MAP2K5: variants seen among roughly 807,000 people sequenced by gnomAD.
MAP2K5 encodes the protein dual specificity mitogen-activated protein kinase kinase 5.
In MAP2K5, 49 loss-of-function variants were observed where a neutral mutation model predicts 83.1. That is an observed-to-expected ratio of 0.59 (90% CI 0.47 to 0.75). The LOEUF (loss-of-function observed/expected upper bound fraction) is 0.75, where lower values mean the gene tolerates loss of function less well. MAP2K5 is among the 30% of genes least tolerant of loss of function. MAP2K5 has a pLI of 0.00. For missense variants in MAP2K5, 457 were observed against 557.5 expected (o/e 0.82, Z 1.82); for synonymous variants, 202 against 191.8 (o/e 1.05, Z -0.44).
chr15:67,774,801 A>G lies in MAP2K5; in HGVS notation c.1242+2049A>G, dbSNP rs149678100. On this transcript the variant is annotated intron_variant, in intron 21 of 21. Coordinates refer to ENST00000178640, the MANE Select transcript of MAP2K5 (RefSeq NM_145160.3). This position sits in a 1 kb window ranked among gnomAD's most constrained non-coding sequence, Gnocchi z 4.9. ...CACAAAAAGAGCAGTTTATCTCCCA[A>G]GCATGGTAACTCCAGCCAGCAGGGT... Among the ~76,000 whole-genome samples the G allele has an allele frequency of 5.8e-4, 88 of 152,322 alleles. No individual in the cohort carries two copies. Among genetic ancestry groups the G allele is most frequent in the Middle Eastern group, 3.4e-3 (1 of 294 alleles).
At chr15:67,692,966 C>A (rs1288815231) in intron 14 of MAP2K5, among the ~76,000 whole-genome samples, 2 of 152,118 alleles carry the variant, frequency 1.3e-5, no homozygotes, top group Non-Finnish European at 2.9e-5. Flanking sequence ...AATTAATTTC[C>A]ATTTTGGACC....
At chr15:67,557,719 A>G (rs1311524531) in intron 2 of MAP2K5, among the ~76,000 whole-genome samples, 1 of 152,196 alleles carries the variant, frequency 6.6e-6, no homozygotes, top group African/African-American at 2.4e-5. Flanking sequence ...AACTGGAGTG[A>G]CACCTGTAGG....
intron 7 of MAP2K5, among the ~76,000 whole-genome samples, chr15:67,599,465 C>T (rs1596625717): frequency 6.6e-6 from 1 of 152,202 alleles, no homozygotes; most frequent in East Asian, 1.9e-4. Context: ...ATTATCACAG[C>T]TCTCTGAAGC....
chr15:67,580,075 C>A (rs183495036), intron 3 of MAP2K5, among the ~76,000 whole-genome samples: 8 of 152,266 alleles, frequency 5.3e-5, no homozygotes, highest in Admixed American at 4.6e-4. Flanking sequence ...AACCACAGTA[C>A]CACCTACTGA....
At chr15:67,735,523 G>A (rs2089320736) in intron 17 of MAP2K5, among the ~76,000 whole-genome samples, 1 of 152,184 alleles carries the variant, frequency 6.6e-6, no homozygotes, top group African/African-American at 2.4e-5. Flanking sequence ...TGAAACAGAT[G>A]TGGTCTCTGC....
At chr15:67,601,533 G>A (rs2085659114) in intron 8 of MAP2K5, among the ~76,000 whole-genome samples, 2 of 152,154 alleles carry the variant, frequency 1.3e-5, no homozygotes, top group South Asian at 4.1e-4. Context: ...GGTTTTCCAT[G>A]TATACACTAA....
chr15:67,580,908 C>A lies in MAP2K5; in HGVS notation c.322+85C>A, dbSNP rs114175666. On this transcript the variant is annotated intron_variant, in intron 4 of 21. Coordinates refer to ENST00000178640, the MANE Select transcript of MAP2K5 (RefSeq NM_145160.3). ...TTATGTTTCCAAAGGTTTAAATGCA[C>A]ATAACATGATGTTTAGCTCTTAATT... The A allele has an allele frequency of 1.5e-3, 1,333 of 890,796 alleles. 14 individuals carry two copies. The African/African-American group carries it at 0.019, about 13-fold the overall frequency. 55.2% of individuals were successfully genotyped at this position (890,796 alleles called of 1,614,324 possible). A position where few individuals can be genotyped will look rare whatever the true frequency, so the allele number is the denominator to read the frequency against.
rs2084977738 is a variant in MAP2K5 at position 67,572,913 on chromosome 15, G to T, written c.253-7841G>T. 6.6e-6 allele frequency among the ~76,000 whole-genome samples: 1 copy of T among 152,098 alleles called. No individual in the cohort carries two copies. The highest frequency in any genetic ancestry group is 2.4e-5 in the African/African-American group (1 of 41,400). ...GGGTTTTCACGTATTGGCCAGGCTG[G>T]TCTCAAACTCCTGACCTTGTGATCT... On this transcript the variant is annotated intron_variant, in intron 3 of 21. Transcript: ENST00000178640. The surrounding 1 kb of genome is among the most constrained non-coding windows in gnomAD (Gnocchi z 4.2).
chr15:67,769,459 T>G lies in MAP2K5; in HGVS notation c.1135-143T>G. ...CTTTACCTAAATGTGTGGAATAAGG[T>G]AAAGACAGTCTTTTTAATTGGGTGA... On this transcript the variant is annotated intron_variant, in intron 19 of 21. Transcript: ENST00000178640. The surrounding 1 kb of genome is among the most constrained non-coding windows in gnomAD (Gnocchi z 5.2). The G allele has an allele frequency of 1.4e-6, 1 of 694,812 alleles. No individual in the cohort carries two copies. Among genetic ancestry groups the G allele is most frequent in the Non-Finnish European group, 2.5e-6 (1 of 401,394 alleles). 43.0% of individuals were successfully genotyped at this position (694,812 alleles called of 1,614,324 possible). A position where few individuals can be genotyped will look rare whatever the true frequency, so the allele number is the denominator to read the frequency against.
chr15:67,639,413 T>C (rs186533878), intron 9 of MAP2K5, among the ~76,000 whole-genome samples: 109 of 152,336 alleles, frequency 7.2e-4, no homozygotes, highest in Admixed American at 2.0e-3. Context: ...TCACAACATT[T>C]TGTAACTCTT....
chr15:67,791,691 C>G (rs914182218), intron 21 of MAP2K5, among the ~76,000 whole-genome samples: 31 of 152,160 alleles, frequency 2.0e-4, no homozygotes, highest in Admixed American at 1.3e-4. Context: ...GTAATGCCAT[C>G]CAGCTGCTTT....
At chr15:67,584,807 C>T (rs886611664) in intron 4 of MAP2K5, among the ~76,000 whole-genome samples, 4 of 151,412 alleles carry the variant, frequency 2.6e-5, no homozygotes, top group African/African-American at 9.7e-5. Flanking sequence ...CGACATTCTC[C>T]TGCCTCAGCC....
chr15:67,686,642 T>TAACAAC (rs1047050849), intron 13 of MAP2K5, among the ~76,000 whole-genome samples: 1 of 124,946 alleles, frequency 8.0e-6, no homozygotes, highest in African/African-American at 2.9e-5. Flanking sequence ...ATAATAATAA[T>TAACAAC]AACATGTTGT....
intron 21 of MAP2K5, among the ~76,000 whole-genome samples, chr15:67,798,975 C>A (rs943187451): frequency 6.6e-6 from 1 of 152,168 alleles, no homozygotes; most frequent in Non-Finnish European, 1.5e-5. Context: ...TCAAGACCAG[C>A]CTGACCAACA....
rs1192815757 is a variant in MAP2K5, at chr15:67,790,704, GA to G, written c.1243-15941del. On this transcript the variant is annotated intron_variant, in intron 21 of 21. Coordinates refer to ENST00000178640, the MANE Select transcript of MAP2K5 (RefSeq NM_145160.3). This position sits in a 1 kb window ranked among gnomAD's most constrained non-coding sequence, Gnocchi z 4.6. The stretch of plus-strand genomic sequence containing the variant: ...TAATTCTCTACTGCAGCTGTCAGGA[GA>G]GCCAGTCACATAAAAACAAACAAAC... Among the ~76,000 whole-genome samples the G allele has an allele frequency of 6.6e-6, 1 of 151,392 alleles. No individual in the cohort carries two copies. Among genetic ancestry groups the G allele is most frequent in the East Asian group, 1.9e-4 (1 of 5,190 alleles).
At chr15:67,642,487 A>T (rs896682597) in intron 9 of MAP2K5, 2 of 1,551,290 alleles carry the variant, frequency 1.3e-6, no homozygotes, top group Non-Finnish European at 1.8e-6. Context: ...ATTTTGATGG[A>T]GGACTTTGAG....
chr15:67,693,396 C>G (rs1020003223), intron 14 of MAP2K5, 122 bp from the exon 15 acceptor site: 1 of 740,062 alleles, frequency 1.4e-6, no homozygotes, highest in East Asian at 2.7e-5. Context: ...TAAATTTGTT[C>G]CCTTTTACAT....
chr15:67,749,226 C>G lies in MAP2K5; in HGVS notation c.1134+625C>G, dbSNP rs1327065052. On this transcript the variant is annotated intron_variant, in intron 19 of 21. Coordinates refer to ENST00000178640, the MANE Select transcript of MAP2K5 (RefSeq NM_145160.3). This position sits in a 1 kb window ranked among gnomAD's most constrained non-coding sequence, Gnocchi z 4.6. ...CCACTGTTCCTTTGCCTTCATGGTG[C>G]TAATCTACCTGCCTTTCTCTCTCAA... Among the ~76,000 whole-genome samples the G allele has an allele frequency of 1.3e-5, 2 of 152,172 alleles. No individual in the cohort carries two copies. Among genetic ancestry groups the G allele is most frequent in the Admixed American group, 6.5e-5 (1 of 15,286 alleles).
intron 16 of MAP2K5, among the ~76,000 whole-genome samples, chr15:67,716,419 T>C (rs1251799891): frequency 2.0e-5 from 3 of 152,166 alleles, no homozygotes; most frequent in African/African-American, 7.2e-5. Flanking sequence ...TGAGTTGAGA[T>C]CTGAAAGATA....
Sources: allele counts gnomAD v4.1 joint callset (sites outside exome capture counted in the v4.1 genomes callset), GRCh38; gene constraint gnomAD v4.1.1; non-coding constraint Gnocchi (gnomAD v3.1); transcripts MANE v1.5; gene names NCBI Gene and HGNC (gene_info 2026-07-23, HGNC 2026-07-21).